Variants in STPG2 observed in about 807,000 individuals in gnomAD.
STPG2 encodes the protein sperm-tail PG-rich repeat-containing protein 2.
STPG2 carries 56 observed loss-of-function variants against 54.2 expected under a neutral mutation model. That is an observed-to-expected ratio of 1.03 (90% CI 0.83 to 1.29). The LOEUF (loss-of-function observed/expected upper bound fraction) is 1.29, where lower values mean the gene tolerates loss of function less well. STPG2 is among the 50% of genes most tolerant of loss of function. The pLI, the probability that STPG2 is intolerant of heterozygous loss-of-function variation, is 0.00. For missense variants in STPG2, 596 were observed against 544.9 expected (o/e 1.09, Z -0.93); for synonymous variants, 200 against 181.8 (o/e 1.10, Z -0.81).
At chr4:97,830,324 G>T (rs111524181) in intron 9 of STPG2, among the ~76,000 whole-genome samples, 3,762 of 152,016 alleles carry the variant, frequency 0.025, 104 homozygotes, top group African/African-American at 0.072. Context: ...AATCAAATGC[G>T]GAGAGATTTT....
At chr4:97,721,763 A>G (rs974445352) in intron 9 of STPG2, among the ~76,000 whole-genome samples, 3 of 152,106 alleles carry the variant, frequency 2.0e-5, no homozygotes, top group African/African-American at 7.2e-5. Flanking sequence ...CAAAAATTAC[A>G]TTTACCTTCT....
At chr4:97,639,348 G>A (rs1307638798) in intron 10 of STPG2, among the ~76,000 whole-genome samples, 1 of 151,470 alleles carries the variant, frequency 6.6e-6, no homozygotes, top group Non-Finnish European at 1.5e-5. Flanking sequence ...CTGTTGTGGG[G>A]TGGGTGGAGG....
chr4:97,867,966 C>T (rs1357818213), intron 8 of STPG2, among the ~76,000 whole-genome samples: 1 of 151,856 alleles, frequency 6.6e-6, no homozygotes, highest in Non-Finnish European at 1.5e-5. Flanking sequence ...CCAACCCAAA[C>T]AAAATTAGGG....
intron 5 of STPG2, among the ~76,000 whole-genome samples, chr4:98,017,644 T>A (rs1736006577): frequency 6.6e-6 from 1 of 152,196 alleles, no homozygotes. Flanking sequence ...TGTGAACATA[T>A]TTTTATGCAC....
At chr4:97,530,434 G>C (rs1303384475) in intron 4 of STPG2, among the ~76,000 whole-genome samples, 1 of 152,026 alleles carries the variant, frequency 6.6e-6, no homozygotes, top group Non-Finnish European at 1.5e-5. Context: ...CCAATGCTTA[G>C]GTAAATGTCT....
At chr4:97,869,741 C>A (rs1304137784) in intron 8 of STPG2, among the ~76,000 whole-genome samples, 1 of 151,560 alleles carries the variant, frequency 6.6e-6, no homozygotes, top group Non-Finnish European at 1.5e-5. Context: ...TATTGCCCTG[C>A]CCTCCAAAAA....
chr4:98,090,350 G>T (rs57532205), intron 5 of STPG2, among the ~76,000 whole-genome samples: 1,601 of 152,110 alleles, frequency 0.011, 23 homozygotes, highest in African/African-American at 0.037. Flanking sequence ...TCAAAGATTA[G>T]TTAGTTGGCT....
At chr4:97,634,178 C>A (rs1445183163) in intron 10 of STPG2, among the ~76,000 whole-genome samples, 3 of 152,158 alleles carry the variant, frequency 2.0e-5, no homozygotes. Flanking sequence ...AAGTGGGTCC[C>A]TGACCCCTGA....
chr4:98,085,367 A>T (rs1454472575), intron 5 of STPG2, among the ~76,000 whole-genome samples: 1 of 152,056 alleles, frequency 6.6e-6, no homozygotes, highest in Non-Finnish European at 1.5e-5. Flanking sequence ...AAGTAGTATA[A>T]ATCTGCCACC....
intron 5 of STPG2, among the ~76,000 whole-genome samples, chr4:98,030,218 C>T (rs1039638283): frequency 3.3e-5 from 5 of 152,168 alleles, no homozygotes; most frequent in African/African-American, 1.2e-4. Context: ...CAGCTGCAGT[C>T]TCTATCACCA....
At chr4:97,513,218 GA>G (rs1165548608) in intron 4 of STPG2, among the ~76,000 whole-genome samples, 1 of 152,114 alleles carries the variant, frequency 6.6e-6, no homozygotes, top group African/African-American at 2.4e-5. Context: ...GCAAGGTAAA[GA>G]AGGGGAGAAG....
Position 97,890,001 on chromosome 4 carries a change from A to ATGTATTTCTTCTACATT in STPG2, c.1045-49070_1045-49069insAATGTAGAAGAAATACA, listed in dbSNP as rs1730709229. On this transcript the variant is annotated intron_variant, in intron 8 of 10. Transcript: ENST00000295268. ...TTAATTTGAAATACATTAGAAGATAAAAGGAAAATTAAAGACATAAGGAGC... is the reference window on the plus strand; with the variant it reads ...TTAATTTGAAATACATTAGAAGATAATGTATTTCTTCTACATTAAGGAAAATTAAAGACATAAGGAGC... Among the ~76,000 whole-genome samples the ATGTATTTCTTCTACATT allele has an allele frequency of 3.3e-5, 5 of 152,292 alleles. No individual in the cohort carries two copies. In the South Asian group the frequency reaches 1.0e-3, roughly 32 times the overall value.
At chr4:97,969,473 T>C in intron 7 of STPG2, among the ~76,000 whole-genome samples, 1 of 152,090 alleles carries the variant, frequency 6.6e-6, no homozygotes, top group East Asian at 1.9e-4. Flanking sequence ...ATTGGCAGCA[T>C]CACAGGACCA....
At chr4:97,725,893 CA>C (rs1456062530) in intron 9 of STPG2, among the ~76,000 whole-genome samples, 1 of 150,008 alleles carries the variant, frequency 6.7e-6, no homozygotes. Flanking sequence ...TAAATGTTTC[CA>C]AAAAAAGGAA....
intron 8 of STPG2, among the ~76,000 whole-genome samples, chr4:97,877,074 C>A (rs768293910): frequency 6.6e-6 from 1 of 152,134 alleles, no homozygotes; most frequent in Non-Finnish European, 1.5e-5. Context: ...ATCACCTTAA[C>A]AATTTATCAT....
intron 5 of STPG2, among the ~76,000 whole-genome samples, chr4:98,047,690 A>C (rs1034916864): frequency 6.6e-6 from 1 of 152,164 alleles, no homozygotes; most frequent in Non-Finnish European, 1.5e-5. Flanking sequence ...ACTCCTTTGA[A>C]AGACAAGCTG....
At chr4:97,493,522 A>G (rs1730545314) in intron 4 of STPG2, among the ~76,000 whole-genome samples, 1 of 151,486 alleles carries the variant, frequency 6.6e-6, no homozygotes, top group Non-Finnish European at 1.5e-5. Context: ...TGCAACAGAT[A>G]AAATTATAGA....
chr4:97,925,199 C>A (rs1460460466), intron 8 of STPG2, among the ~76,000 whole-genome samples: 1 of 152,170 alleles, frequency 6.6e-6, no homozygotes, highest in East Asian at 1.9e-4. Flanking sequence ...ATCTATATAA[C>A]CAGACAGGCA....
Position 97,504,291 on chromosome 4 carries a change from G to T in STPG2, c.462+208408C>A, listed in dbSNP as rs115448451. Among the ~76,000 whole-genome samples, 289 of 150,188 alleles carry T rather than the reference G, an allele frequency of 1.9e-3. 1 individual carries two copies. The highest frequency in any genetic ancestry group is 6.5e-3 in the African/African-American group (267 of 41,178). Reference sequence around the variant, plus strand: ...GTATCATAGAATTTGGATTACATGGGAAAGGAATAGTAATTCTTTTAAAGT... The same window carrying T: ...GTATCATAGAATTTGGATTACATGGTAAAGGAATAGTAATTCTTTTAAAGT... On this transcript the variant is annotated intron_variant, in intron 4 of 4. Coordinates refer to the STPG2 transcript ENST00000522676.
Sources: allele counts gnomAD v4.1 joint callset (sites outside exome capture counted in the v4.1 genomes callset), GRCh38; gene constraint gnomAD v4.1.1; transcripts MANE v1.5; gene names NCBI Gene and HGNC (gene_info 2026-07-23, HGNC 2026-07-21).